Variants in LARP4B observed in about 807,000 individuals in gnomAD.
The protein encoded by LARP4B is la-related protein 4B.
In LARP4B, 12 loss-of-function variants were observed where a neutral mutation model predicts 89.8. That is an observed-to-expected ratio of 0.13 (90% CI 0.09 to 0.22). The LOEUF (loss-of-function observed/expected upper bound fraction) is 0.22, where lower values mean the gene tolerates loss of function less well. Among genes scored for constraint, LARP4B ranks in the 10% least tolerant of loss-of-function variants. LARP4B has a pLI of 1.00. For synonymous variants in LARP4B, 367 were observed against 363.3 expected (o/e 1.01, Z -0.12); for missense variants, 757 against 947.7 (o/e 0.80, Z 2.64).
upstream of LARP4B, among the ~76,000 whole-genome samples, chr10:936,616 G>C (rs920322576): frequency 6.6e-6 from 1 of 152,132 alleles, no homozygotes; most frequent in Admixed American, 6.6e-5. Context: ...CCAGCTACTC[G>C]TGAGGCTGAG....
chr10:934,112 G>A (rs1564453283), upstream of LARP4B, among the ~76,000 whole-genome samples: 4 of 152,000 alleles, frequency 2.6e-5, no homozygotes, highest in South Asian at 2.1e-4. Flanking sequence ...GATTACAGGC[G>A]TGAGCCACCG....
upstream of LARP4B, among the ~76,000 whole-genome samples, chr10:932,233 C>A (rs1466247065): frequency 7.0e-6 from 1 of 143,186 alleles, no homozygotes; most frequent in Non-Finnish European, 1.5e-5. Context: ...CCTGGCCACC[C>A]AGGACACGCC....
At chr10:870,599 G>C (rs1835152576) in intron 3 of LARP4B, among the ~76,000 whole-genome samples, 1 of 152,180 alleles carries the variant, frequency 6.6e-6, no homozygotes, top group Non-Finnish European at 1.5e-5. Flanking sequence ...TGTAAGAGTG[G>C]ACTTGGCGTT....
intron 3 of LARP4B, among the ~76,000 whole-genome samples, chr10:865,846 G>A (rs1187392737): frequency 6.6e-6 from 1 of 152,196 alleles, no homozygotes; most frequent in Admixed American, 6.5e-5. Flanking sequence ...ACAGGTCCCT[G>A]GTCCCCGGTG....
chr10:952,104 C>G, the LARP4B span, among the ~76,000 whole-genome samples: 1 of 151,626 alleles, frequency 6.6e-6, no homozygotes, highest in Non-Finnish European at 1.5e-5. Context: ...TTTGGGAGGC[C>G]AAAGTGGGTG....
the LARP4B span, chr10:972,497 T>A: frequency 1.1e-5 from 5 of 456,772 alleles, no homozygotes; most frequent in South Asian, 7.7e-5. Flanking sequence ...TCTCATTCTA[T>A]TCTCAGAGGG....
chr10:944,825 G>GCTCAAGT, the LARP4B span, among the ~76,000 whole-genome samples: 1 of 152,282 alleles, frequency 6.6e-6, no homozygotes. Flanking sequence ...TAAATGGTTG[G>GCTCAAGT]CTCAAGTCGG....
intron 5 of LARP4B, among the ~76,000 whole-genome samples, chr10:860,595 G>A (rs1322282856): frequency 6.6e-6 from 1 of 152,060 alleles, no homozygotes; most frequent in Non-Finnish European, 1.5e-5. Context: ...CCATGAATAG[G>A]GGAATAGAAA....
chr10:957,307 C>T, the LARP4B span, among the ~76,000 whole-genome samples: 4 of 152,072 alleles, frequency 2.6e-5, no homozygotes, highest in Non-Finnish European at 2.9e-5. Flanking sequence ...GGATTACAGA[C>T]GTGTGCCATC....
intron 5 of LARP4B, among the ~76,000 whole-genome samples, chr10:848,440 A>T (rs1315204130): frequency 6.6e-6 from 1 of 152,204 alleles, no homozygotes; most frequent in African/African-American, 2.4e-5. Flanking sequence ...TGACAATGAG[A>T]AGTATCAACC....
At chr10:926,906 C>T (rs1314762292) in intron 1 of LARP4B, among the ~76,000 whole-genome samples, 3 of 152,034 alleles carry the variant, frequency 2.0e-5, no homozygotes, top group African/African-American at 7.2e-5. Flanking sequence ...CGTGGTGGCA[C>T]GCACCTGTAT....
chr10:870,934 G>A (rs958935747), intron 3 of LARP4B, among the ~76,000 whole-genome samples: 2 of 152,206 alleles, frequency 1.3e-5, no homozygotes, highest in African/African-American at 4.8e-5. Context: ...CGTATACTCG[G>A]TGTGTTTCAT....
intron 8 of LARP4B, 152 bp from the exon 9 acceptor site, chr10:831,129 G>A: frequency 2.1e-6 from 1 of 476,876 alleles, no homozygotes; most frequent in Non-Finnish European, 3.7e-6. Flanking sequence ...AAAAGGATGA[G>A]GGTTCAGCAG....
chr10:857,644 T>C (rs1378052289), intron 5 of LARP4B, among the ~76,000 whole-genome samples: 1 of 151,868 alleles, frequency 6.6e-6, no homozygotes, highest in Non-Finnish European at 1.5e-5. Flanking sequence ...CGCTCGGGAG[T>C]TTGTCTTAAT....
intron 1 of LARP4B, among the ~76,000 whole-genome samples, chr10:915,374 T>C (rs1311282109): frequency 2.0e-5 from 3 of 152,192 alleles, no homozygotes; most frequent in East Asian, 1.9e-4. Context: ...GATGTTCATA[T>C]AATATTAATG....
chr10:985,511 G>A, the LARP4B span: 3 of 152,236 alleles, frequency 2.0e-5, no homozygotes, highest in African/African-American at 7.2e-5. Context: ...CTGTATCTCA[G>A]AAATGAAGCT....
At chr10:952,532 A>C in the LARP4B span, among the ~76,000 whole-genome samples, 1 of 109,170 alleles carries the variant, frequency 9.2e-6, no homozygotes, top group African/African-American at 3.7e-5. Context: ...AAGAAATCGC[A>C]CCAGCCCAGA....
intron 1 of LARP4B, among the ~76,000 whole-genome samples, chr10:909,248 C>G (rs931814764): frequency 1.4e-5 from 2 of 146,992 alleles, no homozygotes; most frequent in Admixed American, 7.0e-5. Flanking sequence ...GAGCCGAGAT[C>G]GCGCCACTGC....
chr10:902,438 C>G (rs1836369855), intron 1 of LARP4B, among the ~76,000 whole-genome samples: 1 of 152,088 alleles, frequency 6.6e-6, no homozygotes, highest in South Asian at 2.1e-4. Context: ...CACACTTTCA[C>G]AAAGGGAAAA....
Sources: gnomAD v4.1 joint callset for allele counts (sites outside exome capture counted in the v4.1 genomes callset) on GRCh38, gnomAD v4.1.1 for gene constraint, MANE v1.5 for transcripts, NCBI Gene and HGNC (gene_info 2026-07-23, HGNC 2026-07-21) for gene names.